The following AUTS2 variants were observed in gnomAD, a reference collection of about 807,000 sequenced individuals.
AUTS2 encodes the protein autism susceptibility gene 2 protein.
AUTS2 carries 17 observed loss-of-function variants against 112.4 expected under a neutral mutation model. The observed-to-expected ratio is 0.15, with a 90% CI of 0.10 to 0.23. AUTS2 has a LOEUF of 0.23. Among genes scored for constraint, AUTS2 ranks in the 10% least tolerant of loss-of-function variants. The pLI is 1.00. For synonymous variants in AUTS2, 751 were observed against 702.7 expected, an observed-to-expected ratio of 1.07 and a Z score of -1.09; for missense variants, 1,510 against 1,701.6, an observed-to-expected ratio of 0.89 and a Z score of 1.98.
chr7:70,068,974 CA>C (rs1483466750), intron 2 of AUTS2, among the ~76,000 whole-genome samples: 1 of 152,238 alleles, frequency 6.6e-6, no homozygotes, highest in East Asian at 1.9e-4. Flanking sequence ...ACCACTAAGA[CA>C]TTTGACTGTC....
intron 4 of AUTS2, chr7:70,290,874 A>G (rs2280614): frequency 0.3 from 48,618 of 161,258 alleles, 7,663 homozygotes; most frequent in African/African-American, 0.38. Context: ...AACATAATCG[A>G]CAGTTAAAAT....
At chr7:70,651,647 T>C (rs1433774773) in intron 5 of AUTS2, among the ~76,000 whole-genome samples, 1 of 152,154 alleles carries the variant, frequency 6.6e-6, no homozygotes, top group East Asian at 1.9e-4. Flanking sequence ...GTTGTATGGG[T>C]ACCTGAAGTG....
intron 6 of AUTS2, among the ~76,000 whole-genome samples, chr7:70,705,917 G>A (rs770679529): frequency 1.3e-5 from 2 of 152,138 alleles, no homozygotes; most frequent in Non-Finnish European, 2.9e-5. Context: ...TTTTCCATCC[G>A]AACAAGCCTC....
rs186786346 is a variant in AUTS2, at chr7:70,787,677, G to A, written c.2531+246G>A. ...CTCAGTCGCAGTTATACATCAGCAC[G>A]TCCCAAGTCCCTGTTAGCGTGTCCA... On this transcript the variant is annotated intron_variant, in intron 18 of 18. Transcript: ENST00000342771. 2.3e-3 allele frequency among the ~76,000 whole-genome samples: 350 copies of A among 152,262 alleles called. 1 individual carries two copies. The highest frequency in any genetic ancestry group is 3.6e-3 in the Non-Finnish European group (244 of 68,024).
At chr7:69,935,932 T>TA (rs1179281194) in intron 2 of AUTS2, among the ~76,000 whole-genome samples, 1 of 152,162 alleles carries the variant, frequency 6.6e-6, no homozygotes, top group Admixed American at 6.5e-5. Context: ...TGTTACCTGC[T>TA]AAAAAAGGCA....
chr7:70,559,672 T>C (rs1801397700), intron 5 of AUTS2, among the ~76,000 whole-genome samples: 1 of 152,092 alleles, frequency 6.6e-6, no homozygotes, highest in South Asian at 2.1e-4. Context: ...CTCAACATCA[T>C]TTGTGGAAGA....
At chr7:70,032,540 T>A (rs1036623802) in intron 2 of AUTS2, among the ~76,000 whole-genome samples, 1 of 151,556 alleles carries the variant, frequency 6.6e-6, no homozygotes, top group African/African-American at 2.4e-5. Context: ...TTAAAAAAAA[T>A]AAAACAAAAA....
Position 69,892,895 on chromosome 7 carries a change from T to C in AUTS2, c.310-6391T>C, listed in dbSNP as rs1291547066. On this transcript the variant is annotated intron_variant, in intron 1 of 18. Coordinates refer to ENST00000342771, the MANE Select transcript of AUTS2 (RefSeq NM_015570.4). ...TTTGCCTGAAAATCAGTTGTTGATA[T>C]ATGTGTGGGTCTCTTTCTGGACTAT... 2.6e-5 allele frequency among the ~76,000 whole-genome samples: 4 copies of C among 152,230 alleles called. 1 individual carries two copies. In the South Asian group the frequency reaches 6.2e-4, roughly 24 times the overall value.
At chr7:70,220,087 C>T (rs970189513) in intron 4 of AUTS2, among the ~76,000 whole-genome samples, 7 of 152,164 alleles carry the variant, frequency 4.6e-5, no homozygotes, top group African/African-American at 1.7e-4. Flanking sequence ...GTGGGCTGTT[C>T]AGTCTTTGCC....
chr7:70,604,716 C>T lies in AUTS2; in HGVS notation c.691-93853C>T, dbSNP rs150437776. Among the ~76,000 whole-genome samples, 377 of 152,286 alleles carry T rather than the reference C, an allele frequency of 2.5e-3. 2 individuals are homozygous for T. Among genetic ancestry groups the T allele is most frequent in the African/African-American group, 8.2e-3 (339 of 41,556 alleles). ...GAAGCTATGGACAAGAAAGGAGAAC[C>T]GAACCACTCAGACCACCACAGTCCT... On this transcript the variant is annotated intron_variant, in intron 5 of 18. Transcript: ENST00000342771.
intron 4 of AUTS2, among the ~76,000 whole-genome samples, chr7:70,178,193 G>A (rs960903985): frequency 1.3e-5 from 2 of 152,112 alleles, no homozygotes; most frequent in African/African-American, 4.8e-5. Flanking sequence ...ATGTCCTTTA[G>A]CCCCGTGAAG....
intron 1 of AUTS2, among the ~76,000 whole-genome samples, chr7:69,817,310 C>T (rs1337567649): frequency 1.3e-5 from 2 of 152,334 alleles, no homozygotes; most frequent in African/African-American, 4.8e-5. Flanking sequence ...TAGCAGCTCA[C>T]CCTTGTTGCC....
At chr7:70,442,945 A>G (rs2130952035) in intron 5 of AUTS2, among the ~76,000 whole-genome samples, 1 of 152,300 alleles carries the variant, frequency 6.6e-6, no homozygotes, top group East Asian at 1.9e-4. Flanking sequence ...TACATCCCAA[A>G]TACACATTGA....
intron 1 of AUTS2, among the ~76,000 whole-genome samples, chr7:69,805,959 C>T (rs925497285): frequency 4.0e-5 from 6 of 151,258 alleles, no homozygotes; most frequent in Admixed American, 1.3e-4. Flanking sequence ...AGTGCAGTGG[C>T]GCGTTCATAG....
intron 2 of AUTS2, among the ~76,000 whole-genome samples, chr7:70,096,033 A>G (rs191515731): frequency 2.0e-4 from 30 of 152,144 alleles, no homozygotes; most frequent in Admixed American, 2.0e-3. Flanking sequence ...TATCTCCTCA[A>G]CTCTGAGTTC....
chr7:70,774,869 G>T (rs760467733), intron 12 of AUTS2: 1 of 155,092 alleles, frequency 6.4e-6, no homozygotes, highest in African/African-American at 2.4e-5. Flanking sequence ...GTGAACTTCT[G>T]GAAAATGTCT....
At chr7:70,734,831 C>CT (rs1787686680) in intron 6 of AUTS2, among the ~76,000 whole-genome samples, 1 of 152,034 alleles carries the variant, frequency 6.6e-6, no homozygotes, top group African/African-American at 2.4e-5. Context: ...CAACATCTTC[C>CT]TAAAGAGGTT....
chr7:70,625,931 G>T (rs1804915741), intron 5 of AUTS2, among the ~76,000 whole-genome samples: 1 of 151,552 alleles, frequency 6.6e-6, no homozygotes, highest in African/African-American at 2.4e-5. Context: ...ATTTATTTTT[G>T]AGATGGAATC....
intron 4 of AUTS2, among the ~76,000 whole-genome samples, chr7:70,427,679 G>A (rs896180236): frequency 6.6e-6 from 1 of 152,204 alleles, no homozygotes; most frequent in Non-Finnish European, 1.5e-5. Context: ...CTTCTAATGG[G>A]TGGTAGAATG....
Sources: gnomAD v4.1 joint callset for allele counts (sites outside exome capture counted in the v4.1 genomes callset) on GRCh38, gnomAD v4.1.1 for gene constraint, MANE v1.5 for transcripts, NCBI Gene and HGNC (gene_info 2026-07-23, HGNC 2026-07-21) for gene names.